GTF2E1: variants seen among roughly 807,000 people sequenced by gnomAD.
The protein encoded by GTF2E1 is general transcription factor IIE subunit 1.
Under a neutral mutation model 34.9 loss-of-function variants are expected in GTF2E1, and 14 were observed. That is an observed-to-expected ratio of 0.40 (90% CI 0.27 to 0.63). The LOEUF is 0.63. Ranked by LOEUF, GTF2E1 falls within the 20% of genes least tolerant of loss-of-function variation. GTF2E1 has a pLI of 0.39. For missense variants in GTF2E1, 469 were observed against 557.7 expected (o/e 0.84, Z 1.60); for synonymous variants, 188 against 192.9 (o/e 0.97, Z 0.21).
chr3:120,753,083 T>C (rs966790066), intron 2 of GTF2E1, among the ~76,000 whole-genome samples: 2 of 152,148 alleles, frequency 1.3e-5, no homozygotes, highest in Admixed American at 1.3e-4. Context: ...GATATTAGGC[T>C]CTAGTTTGCC....
intron 2 of GTF2E1, among the ~76,000 whole-genome samples, chr3:120,751,753 A>G (rs1709166390): frequency 6.6e-6 from 1 of 152,220 alleles, no homozygotes; most frequent in Non-Finnish European, 1.5e-5. Context: ...GTTTTGCTAA[A>G]TACTCGATCA....
In GTF2E1 at chr3:120,759,419, C is replaced by G. The variant is rs200691198; in HGVS notation, c.448+8419C>G. On this transcript the variant is annotated intron_variant, in intron 2 of 4. Coordinates refer to ENST00000283875, the MANE Select transcript of GTF2E1 (RefSeq NM_005513.3). ...TTCACTCTGATGATAATTTCTTTTG[C>G]TATGCAGAAGCTCTTTAGTATAATT... Among the ~76,000 whole-genome samples, 9 of 152,200 alleles carry G rather than the reference C, an allele frequency of 5.9e-5. No homozygotes were observed. In the East Asian group the frequency reaches 1.7e-3, roughly 29 times the overall value.
intron 3 of GTF2E1, among the ~76,000 whole-genome samples, chr3:120,776,206 G>T (rs900780194): frequency 2.2e-4 from 33 of 152,000 alleles, no homozygotes; most frequent in African/African-American, 7.2e-4. Context: ...CCATGTTTGA[G>T]GAACTTAAAT....
At chr3:120,777,040 C>T (rs1327408991) in intron 4 of GTF2E1, among the ~76,000 whole-genome samples, 1 of 152,124 alleles carries the variant, frequency 6.6e-6, no homozygotes, top group Non-Finnish European at 1.5e-5. Context: ...AAACTATACG[C>T]TACCCCAAAC....
intron 3 of GTF2E1, among the ~76,000 whole-genome samples, chr3:120,774,771 A>T (rs190816657): frequency 6.6e-6 from 1 of 152,298 alleles, no homozygotes; most frequent in Admixed American, 6.5e-5. Flanking sequence ...GACATGGAAC[A>T]GGTAGAACAG....
intron 2 of GTF2E1, among the ~76,000 whole-genome samples, chr3:120,760,909 G>A (rs898444131): frequency 1.3e-5 from 2 of 152,076 alleles, no homozygotes; most frequent in Non-Finnish European, 2.9e-5. Flanking sequence ...GTCTCTACCA[G>A]GCTTTGGTAT....
chr3:120,754,682 G>A (rs1263160107), intron 2 of GTF2E1, among the ~76,000 whole-genome samples: 1 of 152,064 alleles, frequency 6.6e-6, no homozygotes, highest in Non-Finnish European at 1.5e-5. Context: ...AGTGGGTGGA[G>A]TAGAATTGTT....
rs74335002 is a variant in GTF2E1, at chr3:120,742,751, G to C, written c.-74G>C. ...TGGTTCATTTAAGCCGGTAGTTGAAGCGCTGGGGGCAGCTGTAGTGGGAGT... is the reference window on the plus strand; with the variant it reads ...TGGTTCATTTAAGCCGGTAGTTGAACCGCTGGGGGCAGCTGTAGTGGGAGT... On this transcript the variant is annotated 5_prime_UTR_variant, in exon 1 of 5. Transcript: ENST00000283875. 1 of 557,754 alleles carries C rather than the reference G, an allele frequency of 1.8e-6. No homozygotes were observed. Among genetic ancestry groups the C allele is most frequent in the African/African-American group, 1.9e-5 (1 of 52,894 alleles). 34.6% of individuals were successfully genotyped at this position (557,754 alleles called of 1,614,324 possible). A position where few individuals can be genotyped will look rare whatever the true frequency, so the allele number is the denominator to read the frequency against.
intron 1 of GTF2E1, among the ~76,000 whole-genome samples, chr3:120,746,052 G>A (rs13082232): frequency 0.089 from 13,593 of 152,096 alleles, 856 homozygotes; most frequent in Middle Eastern, 0.14. Context: ...ATTACAGGAA[G>A]GGCCTTATAT....
At chr3:120,752,773 T>TG (rs989626333) in intron 2 of GTF2E1, among the ~76,000 whole-genome samples, 1 of 152,142 alleles carries the variant, frequency 6.6e-6, no homozygotes, top group African/African-American at 2.4e-5. Flanking sequence ...AATTGTGTTG[T>TG]GGCCAGTCTG....
At chr3:120,766,196 G>A (rs141759897) in intron 2 of GTF2E1, among the ~76,000 whole-genome samples, 2 of 152,256 alleles carry the variant, frequency 1.3e-5, no homozygotes, top group Non-Finnish European at 2.9e-5. Flanking sequence ...GCCCCATTCT[G>A]GACCTCTGGG....
chr3:120,752,955 T>C (rs1709178184), intron 2 of GTF2E1, among the ~76,000 whole-genome samples: 3 of 152,164 alleles, frequency 2.0e-5, no homozygotes, highest in African/African-American at 4.8e-5. Flanking sequence ...GCCTGAGGTA[T>C]CATGATTAAA....
chr3:120,765,029 C>A (rs568373834), intron 2 of GTF2E1, among the ~76,000 whole-genome samples: 2 of 151,428 alleles, frequency 1.3e-5, no homozygotes, highest in Non-Finnish European at 2.9e-5. Context: ...CCCTTCCCCC[C>A]ACCCTCCCCA....
chr3:120,751,247 C>T (rs1198746301), intron 2 of GTF2E1, among the ~76,000 whole-genome samples: 1 of 152,168 alleles, frequency 6.6e-6, no homozygotes, highest in Non-Finnish European at 1.5e-5. Flanking sequence ...CTGCCCACCC[C>T]ACCTTGTTTA....
chr3:120,748,560 T>C (rs1709130788), intron 1 of GTF2E1, among the ~76,000 whole-genome samples: 1 of 152,218 alleles, frequency 6.6e-6, no homozygotes, highest in Non-Finnish European at 1.5e-5. Context: ...CAGATAGTTG[T>C]AGATATGCAG....
At chr3:120,771,557 T>A (rs1709351802) in intron 3 of GTF2E1, among the ~76,000 whole-genome samples, 1 of 152,136 alleles carries the variant, frequency 6.6e-6, no homozygotes, top group Admixed American at 6.6e-5. Flanking sequence ...TCTCCTACTC[T>A]ACCCTTTTTT....
intron 1 of GTF2E1, among the ~76,000 whole-genome samples, chr3:120,750,125 C>T (rs144719163): frequency 1.1e-3 from 164 of 152,230 alleles, no homozygotes; most frequent in African/African-American, 3.9e-3. Context: ...AAATTTTACT[C>T]AAGAAAGGAA....
chr3:120,766,960 A>G (rs1393941505), intron 2 of GTF2E1, among the ~76,000 whole-genome samples: 1 of 152,130 alleles, frequency 6.6e-6, no homozygotes, highest in South Asian at 2.1e-4. Context: ...TGCTGCTGGT[A>G]TATTAAACTG....
chr3:120,757,865 A>G (rs1293698894), intron 2 of GTF2E1, among the ~76,000 whole-genome samples: 2 of 152,246 alleles, frequency 1.3e-5, no homozygotes, highest in Admixed American at 1.3e-4. Flanking sequence ...TTTTAAAAAT[A>G]CATAAGTAAT....
Sources: allele counts gnomAD v4.1 joint callset (sites outside exome capture counted in the v4.1 genomes callset), GRCh38; gene constraint gnomAD v4.1.1; transcripts MANE v1.5; gene names NCBI Gene and HGNC (gene_info 2026-07-23, HGNC 2026-07-21).